The following CLPTM1L variants were observed in gnomAD, a reference collection of about 807,000 sequenced individuals.
CLPTM1L encodes the protein CLPTM1 like.
In CLPTM1L, 38 loss-of-function variants were observed where a neutral mutation model predicts 70.9. That is an observed-to-expected ratio of 0.54 (90% confidence interval 0.41 to 0.70). The LOEUF is 0.70. Among genes scored for constraint, CLPTM1L ranks in the 30% least tolerant of loss-of-function variants. CLPTM1L has a pLI of 0.00. For synonymous variants in CLPTM1L, 339 were observed against 299.9 expected (o/e 1.13, Z -1.35); for missense variants, 652 against 705.9 (o/e 0.92, Z 0.87).
At chr5:1,321,719 C>T (rs892940670) in intron 14 of CLPTM1L, 40 bp from the exon 15 acceptor site, 24 of 1,613,988 alleles carry the variant, frequency 1.5e-5, no homozygotes, top group Non-Finnish European at 1.9e-5. Flanking sequence ...CTGTGGGCAG[C>T]ACAGGAGACG....
At chr5:1,334,222 T>C in intron 7 of CLPTM1L, 67 bp downstream of exon 7, 4 of 1,198,462 alleles carry the variant, frequency 3.3e-6, no homozygotes, top group East Asian at 2.3e-5. Flanking sequence ...CCAGGACCCC[T>C]GCAGGAGGCC....
intron 5 of CLPTM1L, 113 bp downstream of exon 5, chr5:1,337,791 A>T (rs31484): frequency 0.42 from 352,354 of 834,552 alleles, 81,464 homozygotes; most frequent in African/African-American, 0.73. Context: ...GGGTAAAAGC[A>T]CCGTGTCAAA....
rs767391761 is a variant in CLPTM1L, at chr5:1,342,251, G to A, written c.264-391C>T. Among the ~76,000 whole-genome samples, 6 of 152,166 alleles carry A rather than the reference G, an allele frequency of 3.9e-5. No individual in the cohort carries two copies. Among genetic ancestry groups the A allele is most frequent in the Admixed American group, 2.0e-4 (3 of 15,286 alleles). ...CACACACACTGAATCACCCAACTCC[G>A]AAGCGACAGAAGGGAAGGGCAGCAG... On this transcript the variant is annotated intron_variant, in intron 2 of 16. Transcript: ENST00000320895. The surrounding 1 kb of genome is among the most constrained non-coding windows in gnomAD (Gnocchi z 4.3).
intron 4 of CLPTM1L, chr5:1,338,435 G>A: frequency 3.7e-6 from 1 of 268,342 alleles, no homozygotes; most frequent in Non-Finnish European, 7.1e-6. Flanking sequence ...ACACATGGGA[G>A]AGACGAGGTG....
At chr5:1,320,282 C>T (rs1013196396) in intron 16 of CLPTM1L, 6 of 205,584 alleles carry the variant, frequency 2.9e-5, no homozygotes, top group Non-Finnish European at 5.8e-5. Flanking sequence ...AGCCATGCTA[C>T]GGTCTCTGTT....
chr5:1,343,494 A>G (rs771885258), intron 2 of CLPTM1L, among the ~76,000 whole-genome samples: 5 of 152,244 alleles, frequency 3.3e-5, no homozygotes, highest in South Asian at 2.1e-4. Flanking sequence ...GGCAGTATTC[A>G]TGTCTGGGAA....
At chr5:1,333,671 A>G (rs1343536698) in intron 7 of CLPTM1L, among the ~76,000 whole-genome samples, 1 of 92,846 alleles carries the variant, frequency 1.1e-5, no homozygotes, top group Non-Finnish European at 2.0e-5. Flanking sequence ...GGCTGAGGAT[A>G]AGGGGGGACT....
Position 1,322,925 on chromosome 5 carries a change from A to T in CLPTM1L, c.1281-14T>A, listed in dbSNP as rs1752245244. ...CAGGAGTACCAGCTGAAACGGAAAA[A>T]AAAGGAGAAGTCCTATTTCTCGCAT... On this transcript the variant is annotated splice_polypyrimidine_tract_variant and intron_variant, in intron 12 of 16. Transcript: ENST00000320895. 6.2e-7 allele frequency: 1 copy of T among 1,613,106 alleles called. No homozygotes were observed.
chr5:1,343,884 TATTTGGACATTG>T (rs1278784994), intron 2 of CLPTM1L, among the ~76,000 whole-genome samples: 12 of 152,262 alleles, frequency 7.9e-5, no homozygotes, highest in African/African-American at 2.7e-4. Flanking sequence ...ATACTCTACA[TATTTGGACATTG>T]ATCTATTCTA....
chr5:1,332,197 T>C (rs987376853), intron 7 of CLPTM1L: 5 of 348,448 alleles, frequency 1.4e-5, no homozygotes, highest in African/African-American at 1.0e-4. Flanking sequence ...TGGGCACCCC[T>C]GCTCTCGGGT....
Position 1,344,842 on chromosome 5 carries a change from G to T in CLPTM1L, c.-1C>A, listed in dbSNP as rs1188344242. 2.0e-6 allele frequency: 3 copies of T among 1,494,042 alleles called. No individual in the cohort carries two copies. The highest frequency in any genetic ancestry group is 2.9e-5 in the African/African-American group (2 of 68,586). The allele number at this position is 1,494,042 out of a possible 1,614,324, so 92.5% of individuals were successfully genotyped here. A position where few individuals can be genotyped will look rare whatever the true frequency, so the allele number is the denominator to read the frequency against. On this transcript the variant is annotated 5_prime_UTR_variant, in exon 1 of 17. Coordinates refer to ENST00000320895, the MANE Select transcript of CLPTM1L (RefSeq NM_030782.5). ...TGAAGGAGCTGCGGCCGCTCCACAT[G>T]GCGGCCCCGCGCCCGGCGCCCCCGG...
At chr5:1,341,624 T>C in intron 3 of CLPTM1L, 47 bp downstream of exon 3, 1 of 1,508,702 alleles carries the variant, frequency 6.6e-7, no homozygotes, top group Non-Finnish European at 9.0e-7. Flanking sequence ...ATGTCCGTTC[T>C]GACGGAGAGG....
intron 3 of CLPTM1L, 77 bp downstream of exon 3, chr5:1,341,594 C>T: frequency 7.6e-7 from 1 of 1,312,046 alleles, no homozygotes; most frequent in Non-Finnish European, 1.1e-6. Flanking sequence ...TAGACATCGC[C>T]CACCTGTGTG....
rs894932368 is a variant in CLPTM1L, at chr5:1,318,486, C to A, written c.1533-33G>T. The A allele has an allele frequency of 5.8e-6, 9 of 1,563,284 alleles. No homozygotes were observed. Among genetic ancestry groups the A allele is most frequent in the South Asian group, 1.1e-5 (1 of 89,160 alleles). On this transcript the variant is annotated intron_variant, in intron 16 of 16. Coordinates refer to ENST00000320895, the MANE Select transcript of CLPTM1L (RefSeq NM_030782.5). This position sits in a 1 kb window ranked among gnomAD's most constrained non-coding sequence, Gnocchi z 8.9. ...GACACAAATGAGCACATCAGCAAACCCCACTGCAGGGGCTATTTTTCTAAG... is the reference window on the plus strand; with the variant it reads ...GACACAAATGAGCACATCAGCAAACACCACTGCAGGGGCTATTTTTCTAAG...
At chr5:1,322,196 C>T (rs192600860) in intron 13 of CLPTM1L, among the ~76,000 whole-genome samples, 2 of 152,266 alleles carry the variant, frequency 1.3e-5, no homozygotes. Context: ...GACGGCAGTG[C>T]GGGACCCACC....
At chr5:1,325,935 C>T (rs1374214297) in intron 9 of CLPTM1L, 119 bp from the exon 10 acceptor site, 16 of 789,918 alleles carry the variant, frequency 2.0e-5, no homozygotes, top group Non-Finnish European at 3.4e-5. Context: ...GCCCACTGTC[C>T]TCTTCCTGTC....
intron 9 of CLPTM1L, 92 bp from the exon 10 acceptor site, chr5:1,325,908 GC>G: frequency 9.5e-7 from 1 of 1,052,006 alleles, no homozygotes; most frequent in Non-Finnish European, 1.5e-6. Context: ...AGGACCTGCT[GC>G]CCATGGCCCC....
At position 1,344,824 on chromosome 5, in the gene CLPTM1L, G is replaced by A. The variant is rs1047734067; in HGVS notation, c.18C>T (p.Ser6=). Residue 6 remains serine, a synonymous_variant, in exon 1 of 17, where the codon AGC becomes AGT. Transcript: ENST00000320895. ...CGCCCACCACCAAGCTGGTGAAGGA[G>A]CTGCGGCCGCTCCACATGGCGGCCC... MWSGR[S]SFTSLVVGVF... 2.4e-5 allele frequency: 38 copies of A among 1,566,752 alleles called. No homozygotes were observed. The highest frequency in any genetic ancestry group is 4.2e-5 in the African/African-American group (3 of 71,434).
chr5:1,342,039 T>TGTGTGTGTGTGCGCGCGCGC lies in CLPTM1L; in HGVS notation c.264-180_264-179insGCGCGCGCGCACACACACAC, dbSNP rs3222913. ...GTGTGTGTGTGTGTGTGTGTGTGTG[T>TGTGTGTGTGTGCGCGCGCGC]GCACGCGCACGCGTGCGCGTCCTGA... On this transcript the variant is annotated intron_variant, in intron 2 of 16. Coordinates refer to ENST00000320895, the MANE Select transcript of CLPTM1L (RefSeq NM_030782.5). The surrounding 1 kb of genome is among the most constrained non-coding windows in gnomAD (Gnocchi z 4.3). 1.7e-4 allele frequency among the ~76,000 whole-genome samples: 26 copies of TGTGTGTGTGTGCGCGCGCGC among 149,086 alleles called. No homozygotes were observed. Among genetic ancestry groups the TGTGTGTGTGTGCGCGCGCGC allele is most frequent in the African/African-American group, 5.8e-4 (23 of 39,780 alleles).
Sources: gnomAD v4.1 joint callset for allele counts (sites outside exome capture counted in the v4.1 genomes callset) on GRCh38, gnomAD v4.1.1 for gene constraint, Gnocchi (gnomAD v3.1) non-coding constraint, MANE v1.5 for transcripts, NCBI Gene and HGNC (gene_info 2026-07-23, HGNC 2026-07-21) for gene names.